LRRC49: variants seen among roughly 807,000 people sequenced by gnomAD.
LRRC49 encodes leucine rich repeat containing 49, also known as leucine-rich repeat-containing protein 49.
LRRC49 carries 50 observed loss-of-function variants against 83.3 expected under a neutral mutation model. The ratio of observed to expected loss-of-function variants is 0.60; its 90% CI spans 0.48 to 0.76. The LOEUF is 0.76. Among genes scored for constraint, LRRC49 ranks in the 30% least tolerant of loss-of-function variants. The probability of loss-of-function intolerance (pLI) is 0.00; values close to 1 mark genes in which losing one functional copy is unlikely to be tolerated. For synonymous variants in LRRC49, 286 were observed against 283.3 expected, an observed-to-expected ratio of 1.01 and a Z score of -0.10; for missense variants, 704 against 809.1, an observed-to-expected ratio of 0.87 and a Z score of 1.58.
intron 8 of LRRC49, among the ~76,000 whole-genome samples, chr15:70,949,006 T>G (rs953063403): frequency 3.3e-5 from 5 of 152,226 alleles, no homozygotes; most frequent in African/African-American, 1.2e-4. Flanking sequence ...GGCAGAGCTG[T>G]GTTTCAATAA....
At chr15:70,904,523 C>T (rs773433326) in intron 4 of LRRC49, 29 bp from the exon 5 acceptor site, 20 of 1,462,456 alleles carry the variant, frequency 1.4e-5, no homozygotes, top group Non-Finnish European at 1.6e-5. Context: ...TGAATCATAA[C>T]CTAATTAACT....
rs182251911 is a variant in LRRC49, at chr15:71,033,893, G to T, written c.1704-3286G>T. 5.7e-4 allele frequency among the ~76,000 whole-genome samples: 87 copies of T among 152,186 alleles called. 2 individuals are homozygous for T. The highest frequency in any genetic ancestry group is 2.9e-3 in the Admixed American group (44 of 15,290). On this transcript the variant is annotated intron_variant, in intron 14 of 15. Transcript: ENST00000260382. Reference sequence around the variant, plus strand: ...ACCTTACACAAAAATTCTCAAGATAGATTAAAGACTTAAATGTAAAACCCA... The same window carrying T: ...ACCTTACACAAAAATTCTCAAGATATATTAAAGACTTAAATGTAAAACCCA...
chr15:70,995,506 T>C (rs1206491446), intron 11 of LRRC49, among the ~76,000 whole-genome samples: 1 of 152,182 alleles, frequency 6.6e-6, no homozygotes. Context: ...TTATAGATAT[T>C]GAAGTTACTG....
chr15:70,871,385 CT>C (rs2033031387), intron 1 of LRRC49, among the ~76,000 whole-genome samples: 1 of 152,232 alleles, frequency 6.6e-6, no homozygotes, highest in South Asian at 2.1e-4. Flanking sequence ...TCTGATCTCT[CT>C]TTCCTTTCCC....
intron 11 of LRRC49, among the ~76,000 whole-genome samples, chr15:70,995,636 T>C (rs761375755): frequency 1.1e-4 from 17 of 152,188 alleles, no homozygotes; most frequent in Non-Finnish European, 2.4e-4. Flanking sequence ...ATCTTTTTTA[T>C]TAAATGACTC....
intron 1 of LRRC49, 117 bp downstream of exon 1, chr15:70,893,059 AT>A: frequency 8.5e-7 from 1 of 1,171,656 alleles, no homozygotes; most frequent in East Asian, 2.3e-5. Flanking sequence ...TACTCAAGCT[AT>A]TGTCTGACCA....
intron 2 of LRRC49, among the ~76,000 whole-genome samples, chr15:70,876,493 T>A (rs2033154635): frequency 6.6e-6 from 1 of 152,162 alleles, no homozygotes. Context: ...TGACATTTCA[T>A]CCAGTCTTCA....
At chr15:70,863,871 A>C (rs1009970613) in intron 1 of LRRC49, among the ~76,000 whole-genome samples, 4 of 152,204 alleles carry the variant, frequency 2.6e-5, no homozygotes, top group African/African-American at 4.8e-5. Flanking sequence ...GGATCCCACT[A>C]TCTGAGGGTG....
chr15:70,884,862 T>C (rs2033364482), intron 2 of LRRC49, among the ~76,000 whole-genome samples: 1 of 152,198 alleles, frequency 6.6e-6, no homozygotes, highest in African/African-American at 2.4e-5. Context: ...AGCTAAAAAT[T>C]AGTCATAATC....
At chr15:70,969,221 A>G (rs1346713436) in intron 9 of LRRC49, among the ~76,000 whole-genome samples, 3 of 152,134 alleles carry the variant, frequency 2.0e-5, no homozygotes, top group Non-Finnish European at 4.4e-5. Context: ...TTTTCCCAGC[A>G]CCATTCATTA....
chr15:71,037,813 A>G (rs185163170), intron 15 of LRRC49, among the ~76,000 whole-genome samples: 108 of 152,252 alleles, frequency 7.1e-4, no homozygotes, highest in African/African-American at 2.6e-3. Context: ...TATAATTTCA[A>G]CTTGTTCTAT....
intron 1 of LRRC49, among the ~76,000 whole-genome samples, chr15:70,870,648 G>A (rs1340762577): frequency 6.6e-6 from 1 of 152,094 alleles, no homozygotes; most frequent in South Asian, 2.1e-4. Context: ...GTGCCACCAC[G>A]CCCAGCTAAT....
At chr15:70,875,705 T>C (rs973356667) in intron 2 of LRRC49, among the ~76,000 whole-genome samples, 7 of 152,210 alleles carry the variant, frequency 4.6e-5, no homozygotes, top group Non-Finnish European at 7.3e-5. Flanking sequence ...GGTACTAAAA[T>C]CACAATTTTG....
At chr15:70,904,472 A>C in intron 4 of LRRC49, 80 bp from the exon 5 acceptor site, 1 of 959,478 alleles carries the variant, frequency 1.0e-6, no homozygotes, top group Non-Finnish European at 1.6e-6. Context: ...ATGGGAGCAC[A>C]AAGATACTAC....
chr15:70,984,267 G>T lies in LRRC49; in HGVS notation c.1169+10G>T, dbSNP rs2037515545. 4 of 1,582,156 alleles carry T rather than the reference G, an allele frequency of 2.5e-6. No homozygotes were observed. Among genetic ancestry groups the T allele is most frequent in the Middle Eastern group, 1.7e-4 (1 of 5,922 alleles). The stretch of plus-strand genomic sequence containing the variant: ...TCCCAGAGGAAACAGGGTATGCAAT[G>T]GTATTTTTTCAAGATACAAGCATCT... On this transcript the variant is annotated intron_variant, in intron 11 of 15. Transcript: ENST00000260382.
At chr15:70,959,453 T>C (rs963737033) in intron 8 of LRRC49, among the ~76,000 whole-genome samples, 1 of 148,286 alleles carries the variant, frequency 6.7e-6, no homozygotes, top group Admixed American at 6.8e-5. Context: ...ATTGTGCCAT[T>C]GCGCTCCAGT....
At chr15:71,009,631 T>C in intron 12 of LRRC49, 176 bp from the exon 13 acceptor site, 1 of 474,412 alleles carries the variant, frequency 2.1e-6, no homozygotes. Context: ...GTGCATTGGA[T>C]GAATTAAAGT....
intron 9 of LRRC49, among the ~76,000 whole-genome samples, chr15:70,975,091 A>G (rs1456621061): frequency 6.6e-6 from 1 of 152,332 alleles, no homozygotes; most frequent in East Asian, 1.9e-4. Flanking sequence ...GAATTCAGAC[A>G]ATGGAGACAG....
At chr15:70,945,161 T>A (rs1259427327) in intron 8 of LRRC49, among the ~76,000 whole-genome samples, 1 of 152,162 alleles carries the variant, frequency 6.6e-6, no homozygotes, top group Non-Finnish European at 1.5e-5. Flanking sequence ...AATTCTGACT[T>A]CTATTTCATC....
Sources: allele counts gnomAD v4.1 joint callset (sites outside exome capture counted in the v4.1 genomes callset), GRCh38; gene constraint gnomAD v4.1.1; transcripts MANE v1.5; gene names NCBI Gene and HGNC (gene_info 2026-07-23, HGNC 2026-07-21).